The following RETREG1 variants were observed in gnomAD, a reference collection of about 807,000 sequenced individuals.
RETREG1 encodes family with sequence similarity 134 member B.
In RETREG1, 44 loss-of-function variants were observed where a neutral mutation model predicts 54.8. That is an observed-to-expected ratio of 0.80 (90% CI 0.63 to 1.03). RETREG1 has a LOEUF of 1.03. Ranked by LOEUF, RETREG1 falls within the 50% of genes least tolerant of loss-of-function variation. The pLI, the probability that RETREG1 is intolerant of heterozygous loss-of-function variation, is 0.00. For synonymous variants in RETREG1, 217 were observed against 238.5 expected, an observed-to-expected ratio of 0.91 and a Z score of 0.83; for missense variants, 554 against 605.1, an observed-to-expected ratio of 0.92 and a Z score of 0.89.
At chr5:16,575,768 G>T (rs1038153806) in intron 1 of RETREG1, among the ~76,000 whole-genome samples, 2 of 152,232 alleles carry the variant, frequency 1.3e-5, no homozygotes, top group Non-Finnish European at 2.9e-5. Context: ...ATGCCAAACT[G>T]TATGGGACTA....
In RETREG1 at chr5:16,474,897, G is replaced by A; in HGVS notation, c.1338C>T (p.Asp446=). ...AGTCATCACCTTCTTCAGTGTCTGT[G>A]TCCTCTTCTGGGATGGGGGCAGCCT... ...LSQAAPIPEE[D]TDTEEGDDFE... Residue 446 remains aspartate, a synonymous_variant, in exon 9 of 9, where the codon GAC becomes GAT. Coordinates refer to ENST00000306320, the MANE Select transcript of RETREG1 (RefSeq NM_001034850.3). 1 of 1,613,852 alleles carries A rather than the reference G, an allele frequency of 6.2e-7. No homozygotes were observed. The highest frequency in any genetic ancestry group is 1.3e-5 in the African/African-American group (1 of 74,998).
In RETREG1 at chr5:16,576,589, A is replaced by G. The variant is rs368203637; in HGVS notation, c.321-4487T>C. ...CAACCTCCGCCTCCCAGGTTCAAGC[A>G]ATTCCCCTGCCTCAGCCTCCCGAGT... On this transcript the variant is annotated intron_variant, in intron 1 of 8. Transcript: ENST00000306320. Among the ~76,000 whole-genome samples, 92 of 152,234 alleles carry G rather than the reference A, an allele frequency of 6.0e-4. 1 individual carries two copies. The highest frequency in any genetic ancestry group is 2.0e-3 in the African/African-American group (85 of 41,544).
chr5:16,493,731 G>A (rs1319263290), intron 3 of RETREG1, among the ~76,000 whole-genome samples: 1 of 151,758 alleles, frequency 6.6e-6, no homozygotes, highest in Non-Finnish European at 1.5e-5. Flanking sequence ...AACCTGTGAG[G>A]ATACTAAAAA....
chr5:16,478,835 A>G lies in RETREG1; in HGVS notation c.808+15T>C. 3 of 1,609,892 alleles carry G rather than the reference A, an allele frequency of 1.9e-6. No individual in the cohort carries two copies. Among genetic ancestry groups the G allele is most frequent in the Non-Finnish European group, 8.5e-7 (1 of 1,176,882 alleles). On this transcript the variant is annotated intron_variant, in intron 6 of 8. Transcript: ENST00000306320. Reference sequence around the variant, plus strand: ...TCATTTCATGCATAGAATCTAAAATATAAACTTTACCTACCAGATCTCTCA... The same window carrying G: ...TCATTTCATGCATAGAATCTAAAATGTAAACTTTACCTACCAGATCTCTCA...
At chr5:16,484,611 T>C (rs1738945941) in intron 3 of RETREG1, among the ~76,000 whole-genome samples, 1 of 152,224 alleles carries the variant, frequency 6.6e-6, no homozygotes, top group African/African-American at 2.4e-5. Flanking sequence ...TGCTCAACTA[T>C]ACAGAAGTTT....
chr5:16,492,517 A>C (rs1739292157), intron 3 of RETREG1, among the ~76,000 whole-genome samples: 1 of 151,914 alleles, frequency 6.6e-6, no homozygotes, highest in African/African-American at 2.4e-5. Context: ...GGCAACCATG[A>C]CAAACAGCTG....
chr5:16,482,251 C>A (rs1738804973), intron 4 of RETREG1, among the ~76,000 whole-genome samples: 5 of 151,880 alleles, frequency 3.3e-5, no homozygotes, highest in Admixed American at 3.3e-4. Flanking sequence ...ATTACTATAT[C>A]CAGAATTTAG....
intron 3 of RETREG1, among the ~76,000 whole-genome samples, chr5:16,516,486 T>C (rs566396040): frequency 3.9e-4 from 59 of 152,344 alleles, no homozygotes; most frequent in African/African-American, 1.3e-3. Context: ...GAGTCCCAGT[T>C]GAAATTCCAA....
chr5:16,530,367 C>A (rs1209603333), intron 3 of RETREG1, among the ~76,000 whole-genome samples: 1 of 152,196 alleles, frequency 6.6e-6, no homozygotes, highest in Non-Finnish European at 1.5e-5. Context: ...TGTTCAATCT[C>A]AGGCAAGTTA....
chr5:16,576,763 C>T (rs1195881057), intron 1 of RETREG1, among the ~76,000 whole-genome samples: 2 of 151,866 alleles, frequency 1.3e-5, no homozygotes, highest in Non-Finnish European at 2.9e-5. Context: ...ATTACAGGCA[C>T]GAGCCACCGC....
At chr5:16,506,021 G>A (rs1219218906) in intron 3 of RETREG1, among the ~76,000 whole-genome samples, 1 of 152,182 alleles carries the variant, frequency 6.6e-6, no homozygotes, top group African/African-American at 2.4e-5. Flanking sequence ...AAGGAGGGGG[G>A]TCTCTCCTGG....
At chr5:16,556,190 G>A (rs911002059) in intron 3 of RETREG1, among the ~76,000 whole-genome samples, 1 of 148,336 alleles carries the variant, frequency 6.7e-6, no homozygotes, top group Admixed American at 6.8e-5. Context: ...ACAGAGTCTC[G>A]CTCTGTCGCC....
At chr5:16,601,356 A>T (rs1429196891) in intron 1 of RETREG1, among the ~76,000 whole-genome samples, 1 of 74,380 alleles carries the variant, frequency 1.3e-5, no homozygotes, top group East Asian at 3.1e-4. Flanking sequence ...CAAAATTTTT[A>T]AAAAAGAGGA....
chr5:16,578,412 C>A (rs1742394299), intron 1 of RETREG1, among the ~76,000 whole-genome samples: 1 of 152,096 alleles, frequency 6.6e-6, no homozygotes, highest in Non-Finnish European at 1.5e-5. Flanking sequence ...TTTATAAAAT[C>A]AAAATTTTTC....
At chr5:16,533,047 T>C (rs558384792) in intron 3 of RETREG1, among the ~76,000 whole-genome samples, 16 of 130,350 alleles carry the variant, frequency 1.2e-4, no homozygotes, top group African/African-American at 4.1e-4. Flanking sequence ...GTTGATAATA[T>C]GAACTTTTTT....
intron 3 of RETREG1, chr5:16,508,816 G>A: frequency 6.9e-7 from 1 of 1,442,294 alleles, no homozygotes. Context: ...CAAAGCGCCT[G>A]CCTCCCTTGA....
intron 3 of RETREG1, among the ~76,000 whole-genome samples, chr5:16,538,086 C>G (rs1041617685): frequency 1.1e-4 from 16 of 152,190 alleles, no homozygotes; most frequent in African/African-American, 3.9e-4. Context: ...GGGTTCCCAA[C>G]CAGACCAAGA....
chr5:16,524,491 T>C (rs761803979), intron 3 of RETREG1, among the ~76,000 whole-genome samples: 5 of 152,204 alleles, frequency 3.3e-5, no homozygotes, highest in Admixed American at 6.5e-5. Context: ...TTTACATCCA[T>C]CTACTTTCAG....
At chr5:16,489,032 G>A (rs559928894) in intron 3 of RETREG1, among the ~76,000 whole-genome samples, 7 of 132,846 alleles carry the variant, frequency 5.3e-5, no homozygotes, top group South Asian at 5.2e-4. Context: ...GCAATGAGCC[G>A]AGATAGCGCC....
Sources: gnomAD v4.1 joint callset for allele counts (sites outside exome capture counted in the v4.1 genomes callset) on GRCh38, gnomAD v4.1.1 for gene constraint, MANE v1.5 for transcripts, NCBI Gene and HGNC (gene_info 2026-07-23, HGNC 2026-07-21) for gene names.